Variants in GREB1 observed in about 807,000 individuals in gnomAD.
GREB1 encodes protein GREB1.
GREB1 carries 106 observed loss-of-function variants against 200.7 expected under a neutral mutation model. The ratio of observed to expected loss-of-function variants is 0.53; its 90% CI spans 0.45 to 0.62. GREB1 has a LOEUF of 0.62. GREB1 is among the 20% of genes least tolerant of loss of function. The pLI is 0.00. For missense variants in GREB1, 2,243 were observed against 2,556.8 expected (o/e 0.88, Z 2.65); for synonymous variants, 1,132 against 1,092.4 (o/e 1.04, Z -0.72).
At chr2:11,620,114 C>T (rs1372197129) in intron 22 of GREB1, among the ~76,000 whole-genome samples, 2 of 152,230 alleles carry the variant, frequency 1.3e-5, no homozygotes, top group Admixed American at 6.5e-5. Context: ...GTAGCTGGGA[C>T]TACAGGCAGA....
chr2:11,502,552 C>CA (rs1485689072), intron 1 of GREB1, among the ~76,000 whole-genome samples: 1 of 151,996 alleles, frequency 6.6e-6, no homozygotes, highest in Non-Finnish European at 1.5e-5. Context: ...AGAACTAGTG[C>CA]AATTTGGGGT....
At chr2:11,558,208 G>A (rs56198642) in intron 2 of GREB1, among the ~76,000 whole-genome samples, 5,733 of 152,304 alleles carry the variant, frequency 0.038, 223 homozygotes, top group African/African-American at 0.091. Flanking sequence ...AGATAAAAAG[G>A]GGACAGACAA....
intron 1 of GREB1, among the ~76,000 whole-genome samples, chr2:11,523,277 GT>G (rs1295096867): frequency 6.6e-6 from 1 of 151,980 alleles, no homozygotes; most frequent in African/African-American, 2.4e-5. Flanking sequence ...TAACTATTGG[GT>G]ACTAGACTTT....
At chr2:11,585,984 C>T in intron 9 of GREB1, 79 bp downstream of exon 9, 3 of 1,450,030 alleles carry the variant, frequency 2.1e-6, no homozygotes, top group South Asian at 2.3e-5. Flanking sequence ...AGCGAGACCT[C>T]ATCCCGGTCT....
In GREB1 at chr2:11,614,166, G is replaced by A. The variant is rs548301169; in HGVS notation, c.3123-925G>A. 2.9e-5 allele frequency among the ~76,000 whole-genome samples: 4 copies of A among 135,694 alleles called. No individual in the cohort carries two copies. In the South Asian group the frequency reaches 9.6e-4, roughly 33 times the overall value. The allele number at this position is 135,694 out of a possible 152,430, so 89.0% of individuals were successfully genotyped here. On this transcript the variant is annotated intron_variant, in intron 19 of 32. Transcript: ENST00000381486. ...TTTTGAGACGGAGTCTCACTCTGTT[G>A]CCCAGGCTGGAGTGCAGTGGTGCAA...
At position 11,496,581 on chromosome 2, in the gene GREB1, C is replaced by T. The variant is rs1672896652; in HGVS notation, c.-159+14200C>T. 2.1e-5 allele frequency among the ~76,000 whole-genome samples: 3 copies of T among 139,654 alleles called. No homozygotes were observed. The South Asian group carries it at 7.3e-4, about 34-fold the overall frequency. 91.6% of individuals were successfully genotyped at this position (139,654 alleles called of 152,430 possible). ...CTGGATGAAAGGACGCTCTGCTTCT[C>T]AGGTCACACAGCGTTATGGCAAGCT... On this transcript the variant is annotated intron_variant, in intron 1 of 2. Transcript: ENST00000628795.
At chr2:11,486,719 T>A (rs746774247) in intron 1 of GREB1, among the ~76,000 whole-genome samples, 2 of 151,802 alleles carry the variant, frequency 1.3e-5, no homozygotes, top group Non-Finnish European at 2.9e-5. Flanking sequence ...AATACAAAAA[T>A]TAGCCAGGCG....
chr2:11,595,923 G>A (rs1308659041), intron 12 of GREB1, among the ~76,000 whole-genome samples, 188 bp from the exon 13 acceptor site: 1 of 152,114 alleles, frequency 6.6e-6, no homozygotes, highest in East Asian at 1.9e-4. Context: ...GTCTGTGTGG[G>A]GGGAGCTCAC....
chr2:11,532,682 A>G (rs569915442), upstream of GREB1, among the ~76,000 whole-genome samples: 21 of 152,246 alleles, frequency 1.4e-4, no homozygotes, highest in African/African-American at 4.8e-4. Context: ...TTGCAGCAGC[A>G]TGTTTGGGTC....
Position 11,607,499 on chromosome 2 carries a change from T to TATATACATATATGTACATAC in GREB1, c.2667-3183_2667-3164dup, listed in dbSNP as rs1682444777. Among the ~76,000 whole-genome samples, 3 of 142,222 alleles carry TATATACATATATGTACATAC rather than the reference T, an allele frequency of 2.1e-5. No homozygotes were observed. The Admixed American group carries it at 2.1e-4, about 10-fold the overall frequency. 93.3% of individuals were successfully genotyped at this position (142,222 alleles called of 152,430 possible). ...ACACACATACATATATATACACATA[T>TATATACATATATGTACATAC]ATATACATATATGTACATACATATA... is the stretch of plus-strand genomic sequence containing the variant. On this transcript the variant is annotated intron_variant, in intron 17 of 32. Coordinates refer to ENST00000381486, the MANE Select transcript of GREB1 (RefSeq NM_014668.4).
At chr2:11,585,112 G>T in intron 7 of GREB1, 49 bp from the exon 8 acceptor site, 2 of 969,948 alleles carry the variant, frequency 2.1e-6, no homozygotes, top group Non-Finnish European at 3.0e-6. Flanking sequence ...AAATTTTATT[G>T]GAGCCCTGTC....
At chr2:11,588,115 G>A (rs1438640478) in intron 9 of GREB1, 5 of 405,248 alleles carry the variant, frequency 1.2e-5, no homozygotes, top group Non-Finnish European at 1.3e-5. Context: ...TGTCATCCCA[G>A]CTACTCGGGA....
chr2:11,617,934 G>A (rs2148347990), intron 21 of GREB1, among the ~76,000 whole-genome samples: 1 of 152,268 alleles, frequency 6.6e-6, no homozygotes, highest in East Asian at 1.9e-4. Context: ...CCCCGATGGA[G>A]TCAGCACTGA....
chr2:11,528,825 GT>G (rs1385336438), intron 1 of GREB1, among the ~76,000 whole-genome samples: 2 of 151,792 alleles, frequency 1.3e-5, no homozygotes, highest in African/African-American at 4.8e-5. Context: ...TTTTTTAGAA[GT>G]CATTCATTAA....
intron 1 of GREB1, among the ~76,000 whole-genome samples, chr2:11,525,274 G>A (rs1243445517): frequency 6.6e-5 from 10 of 152,124 alleles, no homozygotes; most frequent in Non-Finnish European, 1.5e-4. Context: ...GGAGGCCGAA[G>A]GGGGTGGATC....
intron 3 of GREB1, among the ~76,000 whole-genome samples, chr2:11,564,550 G>A (rs1677423943): frequency 6.6e-6 from 1 of 152,166 alleles, no homozygotes. Flanking sequence ...CTCTCCATTG[G>A]TCATTAGATT....
At chr2:11,590,064 A>G (rs1680576975) in intron 10 of GREB1, among the ~76,000 whole-genome samples, 1 of 152,116 alleles carries the variant, frequency 6.6e-6, no homozygotes, top group Admixed American at 6.5e-5. Flanking sequence ...GGAAAGTGCC[A>G]AGGTTTGGGC....
At chr2:11,521,618 C>T (rs1221715574) in intron 1 of GREB1, among the ~76,000 whole-genome samples, 1 of 152,136 alleles carries the variant, frequency 6.6e-6, no homozygotes, top group Non-Finnish European at 1.5e-5. Flanking sequence ...CTCCTTAACC[C>T]CAGTGAGAGT....
At chr2:11,542,854 C>T (rs1050732787) in intron 1 of GREB1, 1 of 152,596 alleles carries the variant, frequency 6.6e-6, no homozygotes, top group Non-Finnish European at 1.5e-5. Flanking sequence ...TGGGAATTAG[C>T]TAATTAGTTT....
Sources: gnomAD v4.1 joint callset for allele counts (sites outside exome capture counted in the v4.1 genomes callset) on GRCh38, gnomAD v4.1.1 for gene constraint, MANE v1.5 for transcripts, NCBI Gene and HGNC (gene_info 2026-07-23, HGNC 2026-07-21) for gene names.